NLGN1: variants seen among roughly 807,000 people sequenced by gnomAD.
NLGN1 encodes the protein neuroligin-1.
A neutral mutation model predicts 65.5 loss-of-function variants in NLGN1; 12 were observed. That is an observed-to-expected ratio of 0.18 (90% CI 0.12 to 0.30). NLGN1 has a LOEUF of 0.30. Ranked by LOEUF, NLGN1 falls within the 10% of genes least tolerant of loss-of-function variation. NLGN1 has a pLI of 1.00. For synonymous variants in NLGN1, 350 were observed against 359.5 expected, an observed-to-expected ratio of 0.97 and a Z score of 0.30; for missense variants, 750 against 1,007.1, an observed-to-expected ratio of 0.74 and a Z score of 3.46.
chr3:174,283,278 T>A (rs1751753266), exon 7 of NLGN1: 1 of 151,496 alleles, frequency 6.6e-6, no homozygotes, highest in Non-Finnish European at 1.5e-5. Flanking sequence ...AAGTCTCATC[T>A]AAGATGAAAC....
At chr3:173,735,496 A>G (rs112809619) in intron 3 of NLGN1, among the ~76,000 whole-genome samples, 2,808 of 152,228 alleles carry the variant, frequency 0.018, 103 homozygotes, top group African/African-American at 0.065. Flanking sequence ...TTACAAGTTT[A>G]TAAGACTAAA....
At chr3:173,629,241 G>A (rs573068044) in intron 3 of NLGN1, among the ~76,000 whole-genome samples, 72 of 152,034 alleles carry the variant, frequency 4.7e-4, no homozygotes, top group Admixed American at 1.3e-3. Flanking sequence ...CCAGGCTGGA[G>A]TTGATTTAAT....
intron 3 of NLGN1, among the ~76,000 whole-genome samples, chr3:173,705,029 A>T (rs1767834400): frequency 6.6e-6 from 1 of 152,036 alleles, no homozygotes; most frequent in East Asian, 1.9e-4. Flanking sequence ...TTGCCATTCC[A>T]GTTGATAAGC....
chr3:174,245,445 A>G (rs1743618179), intron 4 of NLGN1, among the ~76,000 whole-genome samples: 1 of 152,168 alleles, frequency 6.6e-6, no homozygotes, highest in African/African-American at 2.4e-5. Context: ...ACCGATAGCT[A>G]TTTAACATTA....
chr3:174,268,514 G>C (rs1748712593), intron 4 of NLGN1, among the ~76,000 whole-genome samples: 1 of 152,106 alleles, frequency 6.6e-6, no homozygotes, highest in African/African-American at 2.4e-5. Flanking sequence ...ATGATTCAGA[G>C]CTAAGTAAAT....
chr3:174,032,715 C>A (rs901315038), intron 4 of NLGN1, among the ~76,000 whole-genome samples: 1 of 152,068 alleles, frequency 6.6e-6, no homozygotes, highest in African/African-American at 2.4e-5. Flanking sequence ...CCTTGTGCCC[C>A]CAGCAGAGGA....
intron 3 of NLGN1, among the ~76,000 whole-genome samples, chr3:173,637,374 T>C (rs537542196): frequency 6.6e-6 from 1 of 152,290 alleles, no homozygotes; most frequent in African/African-American, 2.4e-5. Context: ...AGTGGTCCAT[T>C]CTTTACATCT....
At chr3:174,026,414 C>T (rs1728839147) in intron 4 of NLGN1, among the ~76,000 whole-genome samples, 1 of 152,154 alleles carries the variant, frequency 6.6e-6, no homozygotes, top group Non-Finnish European at 1.5e-5. Flanking sequence ...TCATGAACCA[C>T]CACACCTGGC....
chr3:173,641,123 T>C (rs1757353034), intron 3 of NLGN1, among the ~76,000 whole-genome samples: 1 of 152,198 alleles, frequency 6.6e-6, no homozygotes, highest in Non-Finnish European at 1.5e-5. Flanking sequence ...ATCATTACAC[T>C]AGAGGATATG....
intron 2 of NLGN1, among the ~76,000 whole-genome samples, chr3:173,508,786 G>A (rs563704604): frequency 1.3e-5 from 2 of 152,212 alleles, no homozygotes; most frequent in Non-Finnish European, 2.9e-5. Context: ...CAGTCTTATC[G>A]AACTCTCCTC....
chr3:173,696,744 T>A (rs979490842), intron 3 of NLGN1, among the ~76,000 whole-genome samples: 1 of 152,226 alleles, frequency 6.6e-6, no homozygotes, highest in African/African-American at 2.4e-5. Flanking sequence ...TTTGTTTGTT[T>A]CTTATGAGTT....
intron 2 of NLGN1, among the ~76,000 whole-genome samples, chr3:173,540,466 G>T (rs753386926): frequency 3.9e-5 from 6 of 152,168 alleles, no homozygotes; most frequent in Non-Finnish European, 5.9e-5. Context: ...GTGGTCATAG[G>T]AGGGGCCAGA....
At chr3:173,680,252 G>A (rs1763784615) in intron 3 of NLGN1, among the ~76,000 whole-genome samples, 1 of 152,064 alleles carries the variant, frequency 6.6e-6, no homozygotes, top group Non-Finnish European at 1.5e-5. Context: ...GCTAATTTAT[G>A]TTAATATACT....
chr3:173,542,578 T>C (rs1237291933), intron 2 of NLGN1, among the ~76,000 whole-genome samples: 2 of 152,176 alleles, frequency 1.3e-5, no homozygotes, highest in South Asian at 2.1e-4. Flanking sequence ...GGACTGATAA[T>C]GTGAGATGTT....
chr3:174,135,374 G>C (rs1278137976), intron 4 of NLGN1, among the ~76,000 whole-genome samples: 1 of 152,142 alleles, frequency 6.6e-6, no homozygotes, highest in Non-Finnish European at 1.5e-5. Flanking sequence ...GGACATAAAG[G>C]TGTAACATGT....
At chr3:173,922,739 T>G (rs1742284028) in intron 4 of NLGN1, among the ~76,000 whole-genome samples, 1 of 152,152 alleles carries the variant, frequency 6.6e-6, no homozygotes, top group South Asian at 2.1e-4. Context: ...TCTATTCTAA[T>G]GCCATGTGTC....
intron 3 of NLGN1, among the ~76,000 whole-genome samples, chr3:173,628,369 C>T (rs1755130775): frequency 6.6e-6 from 1 of 152,012 alleles, no homozygotes; most frequent in Non-Finnish European, 1.5e-5. Context: ...GTGAAAATGC[C>T]TTAGGTTTTG....
At chr3:173,517,710 AGCAGCATAAT>A (rs1007222408) in intron 2 of NLGN1, among the ~76,000 whole-genome samples, 2 of 152,120 alleles carry the variant, frequency 1.3e-5, no homozygotes, top group Non-Finnish European at 2.9e-5. Context: ...TTATACAGTC[AGCAGCATAAT>A]GCACTTTTCT....
intron 2 of NLGN1, among the ~76,000 whole-genome samples, chr3:173,566,831 C>T (rs1743755377): frequency 1.3e-5 from 2 of 151,996 alleles, no homozygotes; most frequent in Non-Finnish European, 2.9e-5. Flanking sequence ...CATAGTATGT[C>T]TTCAAATTTG....
Sources: allele counts gnomAD v4.1 joint callset (sites outside exome capture counted in the v4.1 genomes callset), GRCh38; gene constraint gnomAD v4.1.1; transcripts MANE v1.5; gene names NCBI Gene and HGNC (gene_info 2026-07-23, HGNC 2026-07-21).